The following RSPO2 variants were observed in gnomAD, a reference collection of about 807,000 sequenced individuals.
RSPO2 encodes R-spondin 2, also known as R-spondin-2.
A neutral mutation model predicts 30.9 loss-of-function variants in RSPO2; 14 were observed. That is an observed-to-expected ratio of 0.45 (90% CI 0.30 to 0.71). The LOEUF is 0.71. Ranked by LOEUF, RSPO2 falls within the 30% of genes least tolerant of loss-of-function variation. The pLI is 0.08. For synonymous variants in RSPO2, 107 were observed against 96.4 expected (o/e 1.11, Z -0.64); for missense variants, 264 against 301.9 (o/e 0.87, Z 0.93).
At chr8:107,988,850 A>C (rs1385328116) in intron 3 of RSPO2, among the ~76,000 whole-genome samples, 1 of 151,814 alleles carries the variant, frequency 6.6e-6, no homozygotes. Flanking sequence ...CTGGTCTCCA[A>C]CTCCTGGCCT....
rs1008540040 is a variant in RSPO2, at chr8:108,010,422, G to A, written c.95-21178C>T. Among the ~76,000 whole-genome samples, 3 of 152,206 alleles carry A rather than the reference G, an allele frequency of 2.0e-5. No individual in the cohort carries two copies. In the South Asian group the frequency reaches 6.2e-4, roughly 32 times the overall value. ...GCTCCTTCATCCCAGACACTTATGTGAGCAGGACGCGAGACATGGTAGTAA... is the reference window on the plus strand; with the variant it reads ...GCTCCTTCATCCCAGACACTTATGTAAGCAGGACGCGAGACATGGTAGTAA... On this transcript the variant is annotated intron_variant, in intron 2 of 5. Transcript: ENST00000276659.
intron 2 of RSPO2, among the ~76,000 whole-genome samples, chr8:108,012,123 A>C (rs1454754931): frequency 6.6e-6 from 1 of 152,256 alleles, no homozygotes; most frequent in Non-Finnish European, 1.5e-5. Flanking sequence ...TCATATAAAT[A>C]ATTTGTTTTC....
chr8:108,042,120 G>A (rs1227110377), intron 2 of RSPO2, among the ~76,000 whole-genome samples: 2 of 152,124 alleles, frequency 1.3e-5, no homozygotes, highest in Non-Finnish European at 2.9e-5. Context: ...AGAGATTGAA[G>A]GGTCTCAAGG....
intron 2 of RSPO2, among the ~76,000 whole-genome samples, chr8:108,052,526 GAA>G (rs1346832251): frequency 6.6e-6 from 1 of 152,044 alleles, no homozygotes; most frequent in African/African-American, 2.4e-5. Flanking sequence ...GTGTTTCAGG[GAA>G]TCTTTCCAAA....
At position 107,971,036 on chromosome 8, in the gene RSPO2, C is replaced by T. The variant is rs373187914; in HGVS notation, c.284-10219G>A. 2.0e-5 allele frequency among the ~76,000 whole-genome samples: 3 copies of T among 152,246 alleles called. No homozygotes were observed. The South Asian group carries it at 6.2e-4, about 32-fold the overall frequency. On this transcript the variant is annotated intron_variant, in intron 3 of 5. Coordinates refer to ENST00000276659, the MANE Select transcript of RSPO2 (RefSeq NM_178565.5). ...GTAAATGAGGATATTAACTGCCTCG[C>T]AGGATTTCCAGATGCGGTTAAGAAG...
At chr8:108,029,048 A>G (rs1287844828) in intron 2 of RSPO2, among the ~76,000 whole-genome samples, 5 of 106,994 alleles carry the variant, frequency 4.7e-5, no homozygotes, top group Non-Finnish European at 9.4e-5. Flanking sequence ...AACTGTTAAC[A>G]TGAGTCTTTT....
At chr8:108,040,412 G>GA (rs887888590) in intron 2 of RSPO2, among the ~76,000 whole-genome samples, 22 of 151,604 alleles carry the variant, frequency 1.5e-4, no homozygotes, top group African/African-American at 4.6e-4. Flanking sequence ...CTTTAGACAA[G>GA]AAAAAAAACA....
intron 2 of RSPO2, among the ~76,000 whole-genome samples, chr8:108,010,490 G>A (rs999108776): frequency 6.6e-6 from 1 of 152,118 alleles, no homozygotes. Flanking sequence ...TCTTGAGCCC[G>A]AAGCAGTATA....
Position 107,901,282 on chromosome 8 carries a change from C to T in RSPO2, c.617-92G>A, listed in dbSNP as rs546856452. On this transcript the variant is annotated intron_variant, in intron 5 of 5. Transcript: ENST00000276659. Reference sequence around the variant, plus strand: ...AATATTGGGAGTTTTGCACAAAGCCCATCTGGAAAACATCACCTATGGAAA... The same window carrying T: ...AATATTGGGAGTTTTGCACAAAGCCTATCTGGAAAACATCACCTATGGAAA... 1.4e-5 allele frequency: 20 copies of T among 1,410,402 alleles called. No individual in the cohort carries two copies. The African/African-American group carries it at 1.7e-4, about 12-fold the overall frequency. 87.4% of individuals were successfully genotyped at this position (1,410,402 alleles called of 1,614,324 possible). A position where few individuals can be genotyped will look rare whatever the true frequency, so the allele number is the denominator to read the frequency against.
chr8:108,030,158 G>GA (rs1249361747), intron 2 of RSPO2, among the ~76,000 whole-genome samples: 2 of 141,174 alleles, frequency 1.4e-5, no homozygotes, highest in Non-Finnish European at 3.1e-5. Context: ...GGCATATGAT[G>GA]TTAGCCAGGC....
intron 2 of RSPO2, among the ~76,000 whole-genome samples, chr8:108,046,273 A>G (rs1469847694): frequency 6.6e-6 from 1 of 152,222 alleles, no homozygotes; most frequent in Non-Finnish European, 1.5e-5. Flanking sequence ...GCTATCATTT[A>G]TCTTGGCTTA....
At chr8:107,948,136 A>G (rs1813125360) in intron 5 of RSPO2, among the ~76,000 whole-genome samples, 1 of 152,248 alleles carries the variant, frequency 6.6e-6, no homozygotes, top group Non-Finnish European at 1.5e-5. Flanking sequence ...TAATTTAAAA[A>G]TTAAGCTTTG....
At chr8:108,052,786 A>G (rs986065133) in intron 2 of RSPO2, among the ~76,000 whole-genome samples, 3 of 152,222 alleles carry the variant, frequency 2.0e-5, no homozygotes, top group Non-Finnish European at 4.4e-5. Flanking sequence ...TCGGATCAAC[A>G]TTACACAACA....
chr8:108,059,971 G>C (rs1434922210), intron 2 of RSPO2, among the ~76,000 whole-genome samples: 1 of 151,326 alleles, frequency 6.6e-6, no homozygotes, highest in Non-Finnish European at 1.5e-5. Context: ...CCTGCACATT[G>C]TGCACATGTA....
At chr8:107,947,286 G>A (rs893487418) in intron 5 of RSPO2, among the ~76,000 whole-genome samples, 2 of 152,272 alleles carry the variant, frequency 1.3e-5, no homozygotes, top group Middle Eastern at 3.4e-3. Flanking sequence ...GCTAGTACAG[G>A]AAACTCATTA....
intron 3 of RSPO2, among the ~76,000 whole-genome samples, chr8:107,963,238 A>AG (rs1305567417): frequency 6.6e-6 from 1 of 151,916 alleles, no homozygotes; most frequent in Non-Finnish European, 1.5e-5. Context: ...AGTTAAAAAA[A>AG]AAAAAAGACA....
chr8:107,951,506 C>T (rs140048567), intron 5 of RSPO2, among the ~76,000 whole-genome samples: 140 of 152,218 alleles, frequency 9.2e-4, no homozygotes, highest in Middle Eastern at 3.4e-3. Flanking sequence ...TTTGGAGTGT[C>T]ATAAAAAATG....
At chr8:107,955,284 C>G (rs184964747) in intron 5 of RSPO2, among the ~76,000 whole-genome samples, 9 of 152,252 alleles carry the variant, frequency 5.9e-5, no homozygotes, top group Middle Eastern at 3.4e-3. Context: ...CCTATCCCCC[C>G]CTAAATCCTC....
intron 2 of RSPO2, among the ~76,000 whole-genome samples, chr8:108,002,217 C>A (rs1184236884): frequency 6.6e-6 from 1 of 152,116 alleles, no homozygotes; most frequent in African/African-American, 2.4e-5. Context: ...CCAGCATGAG[C>A]AGATCTAAAT....
Sources: allele counts gnomAD v4.1 joint callset (sites outside exome capture counted in the v4.1 genomes callset), GRCh38; gene constraint gnomAD v4.1.1; transcripts MANE v1.5; gene names NCBI Gene and HGNC (gene_info 2026-07-23, HGNC 2026-07-21).